Variants in PTPRT observed in about 807,000 individuals in gnomAD.
The protein encoded by PTPRT is protein tyrosine phosphatase receptor type T.
In PTPRT, 56 loss-of-function variants were observed where a neutral mutation model predicts 176.8. That is an observed-to-expected ratio of 0.32 (90% confidence interval 0.26 to 0.40). The LOEUF is 0.40. PTPRT is among the 10% of genes least tolerant of loss of function. The pLI, the probability that PTPRT is intolerant of heterozygous loss-of-function variation, is 1.00. For synonymous variants in PTPRT, 783 were observed against 739.0 expected (o/e 1.06, Z -0.96); for missense variants, 1,540 against 1,908.2 (o/e 0.81, Z 3.60).
chr20:42,682,834 C>G (rs930825466), intron 6 of PTPRT, among the ~76,000 whole-genome samples: 1 of 152,202 alleles, frequency 6.6e-6, no homozygotes, highest in African/African-American at 2.4e-5. Flanking sequence ...ATCTCCAGAA[C>G]AATTCTGTCT....
At chr20:42,561,509 G>A (rs1271116535) in intron 7 of PTPRT, among the ~76,000 whole-genome samples, 1 of 152,218 alleles carries the variant, frequency 6.6e-6, no homozygotes, top group Non-Finnish European at 1.5e-5. Flanking sequence ...TCCCATAGGT[G>A]TGTCCCTGTG....
intron 1 of PTPRT, among the ~76,000 whole-genome samples, chr20:42,989,744 C>T (rs1417075069): frequency 1.3e-5 from 2 of 152,210 alleles, no homozygotes; most frequent in African/African-American, 2.4e-5. Flanking sequence ...TTCTGATTTG[C>T]TTTCATGCTT....
intron 8 of PTPRT, among the ~76,000 whole-genome samples, chr20:42,457,558 A>G (rs2070945090): frequency 2.6e-5 from 4 of 152,182 alleles, no homozygotes; most frequent in Admixed American, 2.6e-4. Flanking sequence ...GGTCTGGTTT[A>G]ATGGGTCATT....
At chr20:42,939,157 C>G (rs1275345107) in intron 1 of PTPRT, among the ~76,000 whole-genome samples, 2 of 152,210 alleles carry the variant, frequency 1.3e-5, no homozygotes, top group African/African-American at 2.4e-5. Flanking sequence ...GAGTTTTCCC[C>G]AAATGGCAGT....
At chr20:42,213,527 C>T (rs1000265752) in intron 15 of PTPRT, among the ~76,000 whole-genome samples, 7 of 152,194 alleles carry the variant, frequency 4.6e-5, no homozygotes, top group African/African-American at 1.4e-4. Flanking sequence ...AAGTCCTAAT[C>T]CATAGTACCT....
In PTPRT at chr20:42,092,240, G is replaced by C. The variant is rs188850381; in HGVS notation, c.3846+6181C>G. On this transcript the variant is annotated intron_variant, in intron 27 of 30. Coordinates refer to ENST00000373187, the MANE Select transcript of PTPRT (RefSeq NM_007050.6). The stretch of plus-strand genomic sequence containing the variant: ...GTGTGATGTTCAACTTGAAGTCATG[G>C]GCATTGCTGGGATATGAAGCTCATA... 3.5e-3 allele frequency among the ~76,000 whole-genome samples: 532 copies of C among 152,290 alleles called. 3 individuals are homozygous for C. The highest frequency in any genetic ancestry group is 5.3e-3 in the Non-Finnish European group (360 of 68,018).
At chr20:42,795,890 T>C (rs1266372450) in intron 2 of PTPRT, among the ~76,000 whole-genome samples, 1 of 152,236 alleles carries the variant, frequency 6.6e-6, no homozygotes, top group Non-Finnish European at 1.5e-5. Flanking sequence ...AAAACGGTAC[T>C]TAATAAATGC....
chr20:42,480,571 A>G (rs2071367779), intron 7 of PTPRT, among the ~76,000 whole-genome samples: 1 of 152,164 alleles, frequency 6.6e-6, no homozygotes, highest in Admixed American at 6.5e-5. Context: ...TGAATGGGAC[A>G]CTTGCTTGCC....
At chr20:42,187,699 G>A (rs971386292) in intron 16 of PTPRT, among the ~76,000 whole-genome samples, 1 of 152,158 alleles carries the variant, frequency 6.6e-6, no homozygotes, top group African/African-American at 2.4e-5. Flanking sequence ...GATATTGATG[G>A]GGTCTTCTAA....
intron 7 of PTPRT, among the ~76,000 whole-genome samples, chr20:42,634,531 G>T: frequency 6.6e-6 from 1 of 151,988 alleles, no homozygotes; most frequent in East Asian, 1.9e-4. Flanking sequence ...CTTCAGGGTT[G>T]TTTTGCAGCA....
chr20:42,542,557 T>C (rs2072602711), intron 7 of PTPRT, among the ~76,000 whole-genome samples: 1 of 152,172 alleles, frequency 6.6e-6, no homozygotes, highest in African/African-American at 2.4e-5. Context: ...CACTGTTATG[T>C]AATTCTGTAA....
chr20:42,110,188 A>AGAT lies in PTPRT; in HGVS notation c.3254+142_3254+144dup, dbSNP rs1261049493. 5 of 673,802 alleles carry AGAT rather than the reference A, an allele frequency of 7.4e-6. No homozygotes were observed. In the Admixed American group the frequency reaches 1.3e-4, roughly 18 times the overall value. 41.7% of individuals were successfully genotyped at this position (673,802 alleles called of 1,614,324 possible). A position where few individuals can be genotyped will look rare whatever the true frequency, so the allele number is the denominator to read the frequency against. Reference sequence around the variant, plus strand: ...CAGCCTCCCAGGTAGCTGGGATTACAGATGTATGCCACCATGACCAGCTAA... The same window carrying AGAT: ...CAGCCTCCCAGGTAGCTGGGATTACAGATGATGTATGCCACCATGACCAGCTAA... On this transcript the variant is annotated intron_variant, in intron 23 of 30. Coordinates refer to ENST00000373187, the MANE Select transcript of PTPRT (RefSeq NM_007050.6).
chr20:42,499,799 G>C (rs1051590960), intron 7 of PTPRT, among the ~76,000 whole-genome samples: 1 of 152,088 alleles, frequency 6.6e-6, no homozygotes, highest in South Asian at 2.1e-4. Flanking sequence ...TGTATAAGTG[G>C]ATGCTTTCAG....
At chr20:42,051,353 G>A in the PTPRT span, among the ~76,000 whole-genome samples, 1 of 152,190 alleles carries the variant, frequency 6.6e-6, no homozygotes, top group Non-Finnish European at 1.5e-5. Context: ...GGAATTGGGT[G>A]CAATGGCTTA....
intron 1 of PTPRT, among the ~76,000 whole-genome samples, chr20:43,171,107 G>T (rs1385420553): frequency 1.3e-5 from 2 of 152,156 alleles, no homozygotes; most frequent in Non-Finnish European, 2.9e-5. Flanking sequence ...ATATGTGCAG[G>T]TATCAAGGTC....
intron 1 of PTPRT, among the ~76,000 whole-genome samples, chr20:42,997,019 T>C (rs1322272632): frequency 1.3e-5 from 2 of 152,188 alleles, no homozygotes; most frequent in Non-Finnish European, 1.5e-5. Flanking sequence ...AGGATTCAAA[T>C]TCCACTCAAC....
intron 1 of PTPRT, among the ~76,000 whole-genome samples, chr20:42,940,067 A>T (rs567387772): frequency 5.6e-4 from 86 of 152,262 alleles, no homozygotes; most frequent in African/African-American, 2.0e-3. Flanking sequence ...ATCTGATTTA[A>T]TCTTTAAAAT....
At chr20:42,067,842 G>A (rs1600580660), downstream of PTPRT, among the ~76,000 whole-genome samples, 2 of 152,166 alleles carry the variant, frequency 1.3e-5, no homozygotes, top group South Asian at 4.1e-4. Context: ...GTGCATAGCT[G>A]AAGCCCAGTT....
At chr20:42,987,999 G>A (rs990335498) in intron 1 of PTPRT, among the ~76,000 whole-genome samples, 4 of 152,140 alleles carry the variant, frequency 2.6e-5, no homozygotes, top group Non-Finnish European at 5.9e-5. Flanking sequence ...GATGGAAGCT[G>A]TAGTAGCTCT....
Sources: allele counts gnomAD v4.1 joint callset (sites outside exome capture counted in the v4.1 genomes callset), GRCh38; gene constraint gnomAD v4.1.1; transcripts MANE v1.5; gene names NCBI Gene and HGNC (gene_info 2026-07-23, HGNC 2026-07-21).